NPAS3: variants seen among roughly 807,000 people sequenced by gnomAD.
The protein encoded by NPAS3 is neuronal PAS domain protein 3.
A neutral mutation model predicts 73.1 loss-of-function variants in NPAS3; 14 were observed. The ratio of observed to expected loss-of-function variants is 0.19; its 90% confidence interval spans 0.13 to 0.30. The LOEUF is 0.30. Ranked by LOEUF, NPAS3 falls within the 10% of genes least tolerant of loss-of-function variation. The pLI, the probability that NPAS3 is intolerant of heterozygous loss-of-function variation, is 1.00. For missense variants in NPAS3, 1,096 were observed against 1,250.0 expected (o/e 0.88, Z 1.86); for synonymous variants, 620 against 541.5 (o/e 1.14, Z -2.01).
intron 4 of NPAS3, among the ~76,000 whole-genome samples, chr14:33,541,690 T>C (rs2054527347): frequency 6.6e-6 from 1 of 152,192 alleles, no homozygotes; most frequent in Non-Finnish European, 1.5e-5. Flanking sequence ...CTGTGAAAAT[T>C]CCTGGAATGA....
chr14:33,022,516 G>C (rs59211741), intron 1 of NPAS3, among the ~76,000 whole-genome samples: 1 of 151,458 alleles, frequency 6.6e-6, no homozygotes, highest in Non-Finnish European at 1.5e-5. Flanking sequence ...ATACAAAAAA[G>C]TAGCTGGGCG....
chr14:33,160,386 T>C (rs2139305210), intron 2 of NPAS3, among the ~76,000 whole-genome samples: 1 of 151,826 alleles, frequency 6.6e-6, no homozygotes, highest in African/African-American at 2.4e-5. Context: ...TGGTGATTTT[T>C]ATTTCACATT....
chr14:33,743,215 C>G (rs1269320737), intron 7 of NPAS3, among the ~76,000 whole-genome samples: 3 of 152,116 alleles, frequency 2.0e-5, no homozygotes, highest in African/African-American at 7.2e-5. Flanking sequence ...GCAGCTATAG[C>G]CTTACAAAAC....
At chr14:33,199,031 C>T (rs1352009624) in intron 2 of NPAS3, among the ~76,000 whole-genome samples, 1 of 152,138 alleles carries the variant, frequency 6.6e-6, no homozygotes, top group East Asian at 1.9e-4. Flanking sequence ...CTGGCCGCTC[C>T]AAGTGTGGGG....
chr14:33,094,951 A>T (rs370607969), intron 2 of NPAS3, among the ~76,000 whole-genome samples: 2 of 152,166 alleles, frequency 1.3e-5, no homozygotes, highest in South Asian at 4.1e-4. Context: ...GAAAGATTTA[A>T]TGGATATGGT....
At chr14:33,404,494 C>T (rs1422249533) in intron 4 of NPAS3, among the ~76,000 whole-genome samples, 10 of 151,726 alleles carry the variant, frequency 6.6e-5, no homozygotes, top group African/African-American at 2.4e-4. Context: ...TCCCTTTTTC[C>T]TTCTCTTTAG....
At chr14:33,547,257 G>C (rs1252147582) in intron 4 of NPAS3, among the ~76,000 whole-genome samples, 1 of 152,114 alleles carries the variant, frequency 6.6e-6, no homozygotes, top group East Asian at 1.9e-4. Context: ...AGGTCATCCT[G>C]CTACTAAAGC....
At chr14:33,259,209 GGTTCAGGGTTTGAGCTTTATGGTTCCTA>G (rs2048885978) in intron 3 of NPAS3, among the ~76,000 whole-genome samples, 1 of 152,260 alleles carries the variant, frequency 6.6e-6, no homozygotes, top group African/African-American at 2.4e-5. Flanking sequence ...TTATCCCCCA[GGTTCAGGGTTTGAGCTTTATGGTTCCTA>G]GTTCTGTCTC....
intron 3 of NPAS3, among the ~76,000 whole-genome samples, chr14:33,248,658 G>T (rs913645479): frequency 1.3e-5 from 2 of 152,086 alleles, no homozygotes; most frequent in South Asian, 4.1e-4. Context: ...CACAGTAAAG[G>T]TTTCATGTAT....
At chr14:33,526,769 A>T (rs2053818904) in intron 4 of NPAS3, among the ~76,000 whole-genome samples, 1 of 152,146 alleles carries the variant, frequency 6.6e-6, no homozygotes, top group African/African-American at 2.4e-5. Context: ...CGGCAGAGCC[A>T]GGCAAATTGT....
intron 6 of NPAS3, among the ~76,000 whole-genome samples, chr14:33,696,155 T>G (rs574305937): frequency 6.6e-6 from 1 of 152,298 alleles, no homozygotes. Flanking sequence ...GTTTTAGTAT[T>G]TTTCTATTCC....
At chr14:33,516,582 G>A (rs1378736258) in intron 4 of NPAS3, among the ~76,000 whole-genome samples, 2 of 152,126 alleles carry the variant, frequency 1.3e-5, no homozygotes, top group African/African-American at 2.4e-5. Context: ...ATGCCCTAGG[G>A]CAAGTTCTAT....
At chr14:33,607,961 G>A (rs2057630088) in intron 5 of NPAS3, among the ~76,000 whole-genome samples, 1 of 152,054 alleles carries the variant, frequency 6.6e-6, no homozygotes, top group African/African-American at 2.4e-5. Context: ...GGGGGAAGCT[G>A]CCCCCATGAT....
intron 5 of NPAS3, among the ~76,000 whole-genome samples, chr14:33,590,242 C>T (rs1366819125): frequency 2.6e-5 from 4 of 152,114 alleles, no homozygotes; most frequent in South Asian, 2.1e-4. Flanking sequence ...TTTTCTAATC[C>T]TGGCATTTCA....
intron 2 of NPAS3, among the ~76,000 whole-genome samples, chr14:33,143,181 C>G (rs968575883): frequency 6.6e-6 from 1 of 151,482 alleles, no homozygotes; most frequent in Non-Finnish European, 1.5e-5. Flanking sequence ...TTGCCACTTA[C>G]AGTTTATAAG....
intron 5 of NPAS3, among the ~76,000 whole-genome samples, chr14:33,564,432 A>C (rs2055821418): frequency 6.6e-6 from 1 of 152,218 alleles, no homozygotes; most frequent in Non-Finnish European, 1.5e-5. Flanking sequence ...CGTGATCTAC[A>C]CAGCAAACAC....
intron 3 of NPAS3, among the ~76,000 whole-genome samples, chr14:33,278,027 G>T (rs535693219): frequency 2.0e-5 from 3 of 151,962 alleles, no homozygotes; most frequent in Admixed American, 2.0e-4. Flanking sequence ...GGTGAAGGGG[G>T]CGAGAAGGAA....
upstream of NPAS3, among the ~76,000 whole-genome samples, chr14:32,938,486 T>TGAGAGAGAGAGAGAAAGTGAGAGAGAGA (rs1566779333): frequency 1.8e-5 from 1 of 55,906 alleles, no homozygotes; most frequent in Non-Finnish European, 3.3e-5. Context: ...AGAGAGAAAT[T>TGAGAGAGAGAGAGAAAGTGAGAGAGAGA]GAGAGAGAGA....
intron 5 of NPAS3, among the ~76,000 whole-genome samples, chr14:33,589,388 C>G (rs1205737298): frequency 6.6e-6 from 1 of 152,140 alleles, no homozygotes; most frequent in Non-Finnish European, 1.5e-5. Flanking sequence ...GGTAAAAAAG[C>G]ACCTCCCTTC....
Sources: gnomAD v4.1 joint callset for allele counts (sites outside exome capture counted in the v4.1 genomes callset) on GRCh38, gnomAD v4.1.1 for gene constraint, MANE v1.5 for transcripts, NCBI Gene and HGNC (gene_info 2026-07-23, HGNC 2026-07-21) for gene names.